TIAM2: variants seen among roughly 807,000 people sequenced by gnomAD.
The protein encoded by TIAM2 is TIAM Rac1 associated GEF 2, also known as rho guanine nucleotide exchange factor TIAM2.
In TIAM2, 80 loss-of-function variants were observed where a neutral mutation model predicts 152.9. The ratio of observed to expected loss-of-function variants is 0.52; its 90% CI spans 0.44 to 0.63. The LOEUF (loss-of-function observed/expected upper bound fraction) is 0.63, where lower values mean the gene tolerates loss of function less well. Among genes scored for constraint, TIAM2 ranks in the 30% least tolerant of loss-of-function variants. The pLI is 0.00. For synonymous variants in TIAM2, 804 were observed against 838.0 expected, an observed-to-expected ratio of 0.96 and a Z score of 0.70; for missense variants, 1,965 against 2,120.1, an observed-to-expected ratio of 0.93 and a Z score of 1.44.
chr6:155,002,772 CA>C (rs1046813429), intron 1 of TIAM2, among the ~76,000 whole-genome samples: 22 of 151,878 alleles, frequency 1.4e-4, no homozygotes, highest in African/African-American at 4.8e-4. Context: ...ACTCTGCCTC[CA>C]GGGTTCGAGC....
intron 5 of TIAM2, among the ~76,000 whole-genome samples, chr6:155,143,082 G>A (rs959027740): frequency 1.3e-5 from 2 of 152,216 alleles, no homozygotes; most frequent in African/African-American, 4.8e-5. Flanking sequence ...AGGCAGGCTG[G>A]TGTTTCTTTC....
At chr6:155,203,067 AAAAG>A (rs1312632279) in intron 14 of TIAM2, among the ~76,000 whole-genome samples, 2 of 150,774 alleles carry the variant, frequency 1.3e-5, no homozygotes, top group Non-Finnish European at 3.0e-5. Flanking sequence ...AAAAAAAAAA[AAAAG>A]AGAAAGATTT....
intron 1 of TIAM2, among the ~76,000 whole-genome samples, chr6:155,020,379 G>A (rs931484804): frequency 2.6e-5 from 4 of 152,182 alleles, no homozygotes; most frequent in African/African-American, 7.2e-5. Context: ...TAATTTGTAT[G>A]CTATAAACAT....
chr6:155,231,288 C>T (rs1782462931), intron 15 of TIAM2, among the ~76,000 whole-genome samples: 1 of 152,196 alleles, frequency 6.6e-6, no homozygotes, highest in Admixed American at 6.5e-5. Context: ...TTTATGTTCT[C>T]ATTCTGCCCA....
chr6:155,157,023 A>G (rs1780134627), intron 7 of TIAM2, among the ~76,000 whole-genome samples: 1 of 152,164 alleles, frequency 6.6e-6, no homozygotes, highest in Non-Finnish European at 1.5e-5. Context: ...TGGCTTTGTC[A>G]TGATTTCTTC....
rs1317521264 is a variant in TIAM2 at position 155,129,940 on chromosome 6, A to G, written c.717A>G (p.Lys239=). ...CGGACTCTCGCCTGCGGTCCAGCAA[A>G]GGCAGCTCCCTGAGTTCTGAGTCAT... ...SPTDSRLRSS[K]GSSLSSESSW... The change falls in exon 4 of 27, where the codon AAA becomes AAG. Residue 239 remains lysine (K), a synonymous_variant. Transcript: ENST00000682666. This position sits in a 1 kb window ranked among gnomAD's most constrained non-coding sequence, Gnocchi z 4.8. 6.2e-7 allele frequency: 1 copy of G among 1,613,966 alleles called. No homozygotes were observed. Among genetic ancestry groups the G allele is most frequent in the South Asian group, 1.1e-5 (1 of 91,078 alleles).
intron 2 of TIAM2, among the ~76,000 whole-genome samples, chr6:155,101,674 AGGTT>A (rs1250341675): frequency 6.6e-6 from 1 of 152,034 alleles, no homozygotes; most frequent in Non-Finnish European, 1.5e-5. Context: ...CTAAGCAGAG[AGGTT>A]ATTTCTGATA....
At chr6:155,135,619 A>C (rs556263125) in intron 4 of TIAM2, among the ~76,000 whole-genome samples, 1 of 152,362 alleles carries the variant, frequency 6.6e-6, no homozygotes, top group South Asian at 2.1e-4. Context: ...CTTCTAATCC[A>C]GATATTAGAG....
chr6:155,153,621 CTTTT>C (rs35672714), intron 7 of TIAM2, among the ~76,000 whole-genome samples: 348 of 105,298 alleles, frequency 3.3e-3, no homozygotes, highest in African/African-American at 0.012. Context: ...GCTGTTTACG[CTTTT>C]TTTTTTTTTT....
chr6:155,226,408 G>T (rs1052696635), intron 15 of TIAM2, among the ~76,000 whole-genome samples: 2 of 152,184 alleles, frequency 1.3e-5, no homozygotes, highest in African/African-American at 4.8e-5. Context: ...GGTGGCTCAC[G>T]CCTGTAATCC....
intron 7 of TIAM2, among the ~76,000 whole-genome samples, chr6:155,161,200 C>T (rs1052327831): frequency 4.3e-5 from 6 of 140,304 alleles, no homozygotes; most frequent in Admixed American, 2.2e-4. Flanking sequence ...CGATCTGAGC[C>T]GGGGTATCGG....
Position 155,156,526 on chromosome 6 carries a change from C to A in TIAM2, c.2029-7889C>A, listed in dbSNP as rs774992783. Among the ~76,000 whole-genome samples the A allele has an allele frequency of 4.6e-5, 7 of 151,984 alleles. No homozygotes were observed. The highest frequency in any genetic ancestry group is 1.3e-4 in the Admixed American group (2 of 15,268). Reference sequence around the variant, plus strand: ...AAAAATAATTAGCCAGGTGTCGTGGCGCATACCTGTAATCCCAGCTACTCG... The same window carrying A: ...AAAAATAATTAGCCAGGTGTCGTGGAGCATACCTGTAATCCCAGCTACTCG... On this transcript the variant is annotated intron_variant, in intron 7 of 26. Coordinates refer to ENST00000682666, the MANE Select transcript of TIAM2 (RefSeq NM_012454.4). The surrounding 1 kb of genome is among the most constrained non-coding windows in gnomAD (Gnocchi z 4.4).
chr6:154,997,087 C>A (rs553186574), intron 1 of TIAM2, among the ~76,000 whole-genome samples: 1 of 152,148 alleles, frequency 6.6e-6, no homozygotes. Context: ...GGCTCTCCCC[C>A]GCTTGCACAC....
At chr6:155,028,721 TATA>T (rs1338214052) in intron 1 of TIAM2, among the ~76,000 whole-genome samples, 1 of 129,620 alleles carries the variant, frequency 7.7e-6, no homozygotes, top group South Asian at 2.3e-4. Flanking sequence ...ATATACTACA[TATA>T]ATATATATAC....
chr6:155,090,929 C>T (rs535160797), intron 2 of TIAM2, among the ~76,000 whole-genome samples: 1 of 151,968 alleles, frequency 6.6e-6, no homozygotes, highest in Non-Finnish European at 1.5e-5. Context: ...GTGTTGGTGT[C>T]GCAGGTTAAG....
At chr6:155,180,441 AGAAACACT>A (rs1780873475) in intron 12 of TIAM2, among the ~76,000 whole-genome samples, 1 of 152,218 alleles carries the variant, frequency 6.6e-6, no homozygotes, top group Admixed American at 6.5e-5. Flanking sequence ...ATACCTCCAT[AGAAACACT>A]GTTTCTTACC....
intron 14 of TIAM2, among the ~76,000 whole-genome samples, chr6:155,184,636 A>C (rs898947356): frequency 6.6e-6 from 1 of 152,204 alleles, no homozygotes. Flanking sequence ...AAATCTCTGC[A>C]TGATTACCAA....
chr6:155,135,134 A>T (rs955091723), intron 4 of TIAM2, among the ~76,000 whole-genome samples: 5 of 152,364 alleles, frequency 3.3e-5, no homozygotes, highest in South Asian at 4.1e-4. Flanking sequence ...GTGTATAAAT[A>T]AATATGACTG....
intron 5 of TIAM2, among the ~76,000 whole-genome samples, chr6:155,143,768 C>T (rs73575630): frequency 0.012 from 1,873 of 152,228 alleles, 35 homozygotes; most frequent in African/African-American, 0.043. Flanking sequence ...CCCTGCTGCT[C>T]CACAGTGCAG....
Sources: gnomAD v4.1 joint callset for allele counts (sites outside exome capture counted in the v4.1 genomes callset) on GRCh38, gnomAD v4.1.1 for gene constraint, Gnocchi (gnomAD v3.1) non-coding constraint, MANE v1.5 for transcripts, NCBI Gene and HGNC (gene_info 2026-07-23, HGNC 2026-07-21) for gene names.